The following UST variants were observed in gnomAD, a reference collection of about 807,000 sequenced individuals.
The protein encoded by UST is uronyl 2-sulfotransferase, also known as chondroitin sulfate 2-O-sulfotransferase.
UST carries 21 observed loss-of-function variants against 45.6 expected under a neutral mutation model. That is an observed-to-expected ratio of 0.46 (90% CI 0.33 to 0.66). The LOEUF (loss-of-function observed/expected upper bound fraction) is 0.66. Among genes scored for constraint, UST ranks in the 30% least tolerant of loss-of-function variants. The pLI is 0.02. For missense variants in UST, 463 were observed against 512.4 expected (o/e 0.90, Z 0.93); for synonymous variants, 215 against 200.6 (o/e 1.07, Z -0.61).
At chr6:148,871,141 T>TCTCTCTCTCTCTCTCTCC (rs1562283619) in intron 1 of UST, among the ~76,000 whole-genome samples, 7 of 149,366 alleles carry the variant, frequency 4.7e-5, no homozygotes, top group African/African-American at 1.5e-4. Context: ...TCTCTCTCTC[T>TCTCTCTCTCTCTCTCTCC]CTCTCCCTCT....
intron 1 of UST, among the ~76,000 whole-genome samples, chr6:148,861,167 T>C (rs1778304715): frequency 6.6e-6 from 1 of 152,350 alleles, no homozygotes; most frequent in East Asian, 1.9e-4. Flanking sequence ...ATTGCCTCAA[T>C]TTCTGAATCT....
intron 1 of UST, among the ~76,000 whole-genome samples, chr6:148,869,926 A>G (rs1778516638): frequency 6.6e-6 from 1 of 152,168 alleles, no homozygotes; most frequent in Non-Finnish European, 1.5e-5. Context: ...TGGAAGCACA[A>G]TTTTATTTTA....
intron 1 of UST, among the ~76,000 whole-genome samples, chr6:148,795,409 C>T (rs933777504): frequency 1.3e-5 from 2 of 152,172 alleles, no homozygotes; most frequent in African/African-American, 4.8e-5. Context: ...ACCTGCATCT[C>T]ATGGCAGATG....
intron 4 of UST, among the ~76,000 whole-genome samples, chr6:148,961,141 A>C (rs1780649085): frequency 6.6e-6 from 1 of 152,232 alleles, no homozygotes; most frequent in South Asian, 2.1e-4. Context: ...AAAATTTAAA[A>C]AATACGACAC....
At chr6:148,890,824 C>G (rs1779003842) in intron 2 of UST, among the ~76,000 whole-genome samples, 1 of 152,242 alleles carries the variant, frequency 6.6e-6, no homozygotes, top group African/African-American at 2.4e-5. Flanking sequence ...CATTTTACCA[C>G]TACTTTGTAT....
At chr6:148,946,229 G>GGGCCAGGCATGGT (rs1356327226) in intron 3 of UST, among the ~76,000 whole-genome samples, 1 of 152,122 alleles carries the variant, frequency 6.6e-6, no homozygotes, top group Non-Finnish European at 1.5e-5. Context: ...TCAAGAAGGT[G>GGGCCAGGCATGGT]GGCCAGGCAT....
intron 5 of UST, among the ~76,000 whole-genome samples, chr6:149,010,849 G>T (rs1371955293): frequency 7.5e-6 from 1 of 132,996 alleles, no homozygotes; most frequent in African/African-American, 2.8e-5. Context: ...CCGAGATCGC[G>T]CCTCTGCACT....
chr6:148,760,046 C>A (rs1260529301), intron 1 of UST, among the ~76,000 whole-genome samples: 1 of 151,946 alleles, frequency 6.6e-6, no homozygotes, highest in Non-Finnish European at 1.5e-5. Flanking sequence ...TTCTTTGGAC[C>A]CAAACACTTA....
At chr6:148,777,236 G>A (rs113909204) in intron 1 of UST, among the ~76,000 whole-genome samples, 6 of 152,246 alleles carry the variant, frequency 3.9e-5, no homozygotes, top group African/African-American at 1.2e-4. Context: ...TCTTTTAGAC[G>A]TTAGGCCATT....
intron 2 of UST, among the ~76,000 whole-genome samples, chr6:148,920,951 C>T (rs1003251071): frequency 6.6e-6 from 1 of 152,234 alleles, no homozygotes; most frequent in African/African-American, 2.4e-5. Context: ...CTAAGTGAGC[C>T]TCTACCAGCG....
chr6:148,851,930 G>A (rs1778114077), intron 1 of UST, among the ~76,000 whole-genome samples: 1 of 152,244 alleles, frequency 6.6e-6, no homozygotes, highest in African/African-American at 2.4e-5. Flanking sequence ...CCCCTGATGA[G>A]GCCGAGTGAG....
chr6:148,802,691 A>G (rs774685131), intron 1 of UST, among the ~76,000 whole-genome samples: 4 of 152,216 alleles, frequency 2.6e-5, no homozygotes, highest in African/African-American at 4.8e-5. Context: ...GGAAATGCTA[A>G]TATATTGTCC....
rs564535044 is a variant in UST, at chr6:148,970,314, T to C, written c.681+5751T>C. ...CTGTGCTACCACCAAACGGCAGCCA[T>C]GTGTGTAGTGTGTAGCAGGTTAGCA... On this transcript the variant is annotated intron_variant, in intron 5 of 7. Coordinates refer to ENST00000367463, the MANE Select transcript of UST (RefSeq NM_005715.3). Among the ~76,000 whole-genome samples the C allele has an allele frequency of 3.3e-5, 5 of 152,192 alleles. No homozygotes were observed. The South Asian group carries it at 1.0e-3, about 32-fold the overall frequency.
In UST at chr6:149,013,340, A is replaced by G. The variant is rs559747889; in HGVS notation, c.682-5799A>G. Among the ~76,000 whole-genome samples the G allele has an allele frequency of 2.0e-5, 3 of 152,226 alleles. No individual in the cohort carries two copies. In the East Asian group the frequency reaches 5.8e-4, roughly 29 times the overall value. ...CAAGGAAGGTGGATCACCTGAGGTC[A>G]GGAGTTCGAGTTTGCCGCTACTAAA... On this transcript the variant is annotated intron_variant, in intron 5 of 7. Coordinates refer to ENST00000367463, the MANE Select transcript of UST (RefSeq NM_005715.3).
At chr6:148,867,441 T>C (rs1233097979) in intron 1 of UST, among the ~76,000 whole-genome samples, 1 of 152,212 alleles carries the variant, frequency 6.6e-6, no homozygotes, top group Non-Finnish European at 1.5e-5. Context: ...CTTCTTGATA[T>C]CATTAATATC....
At chr6:148,911,270 G>A (rs1016160527) in intron 2 of UST, among the ~76,000 whole-genome samples, 1 of 152,200 alleles carries the variant, frequency 6.6e-6, no homozygotes, top group Non-Finnish European at 1.5e-5. Flanking sequence ...CTCTCTGAGA[G>A]GTAGAGCCTC....
At chr6:148,905,544 C>T (rs1051460187) in intron 2 of UST, among the ~76,000 whole-genome samples, 11 of 152,244 alleles carry the variant, frequency 7.2e-5, no homozygotes, top group Non-Finnish European at 1.3e-4. Context: ...GGCTCCCTTC[C>T]CCTCCCCAGC....
intron 1 of UST, among the ~76,000 whole-genome samples, chr6:148,782,933 CTG>C (rs2114691473): frequency 6.6e-6 from 1 of 152,326 alleles, no homozygotes; most frequent in East Asian, 1.9e-4. Context: ...AAGTTCTACT[CTG>C]TGTAAAATGC....
intron 5 of UST, among the ~76,000 whole-genome samples, chr6:148,981,526 G>C (rs1215273844): frequency 1.3e-5 from 2 of 152,198 alleles, no homozygotes; most frequent in Non-Finnish European, 2.9e-5. Flanking sequence ...CCTCCGTGGA[G>C]CTTATTGCAT....
Sources: allele counts gnomAD v4.1 joint callset (sites outside exome capture counted in the v4.1 genomes callset), GRCh38; gene constraint gnomAD v4.1.1; transcripts MANE v1.5; gene names NCBI Gene and HGNC (gene_info 2026-07-23, HGNC 2026-07-21).